Variants in RORB observed in about 807,000 individuals in gnomAD.
RORB encodes the protein RAR related orphan receptor B.
A neutral mutation model predicts 59.1 loss-of-function variants in RORB; 6 were observed. The ratio of observed to expected loss-of-function variants is 0.10; its 90% CI spans 0.06 to 0.20. RORB has a LOEUF of 0.20. RORB is among the 10% of genes least tolerant of loss of function. The pLI is 1.00. For synonymous variants in RORB, 215 were observed against 204.5 expected (o/e 1.05, Z -0.44); for missense variants, 320 against 560.5 (o/e 0.57, Z 4.33).
intron 1 of RORB, among the ~76,000 whole-genome samples, chr9:74,548,720 A>G (rs1035335023): frequency 1.3e-5 from 2 of 152,212 alleles, no homozygotes; most frequent in East Asian, 3.9e-4. Context: ...TGGAAAATGC[A>G]GAAACATAAA....
chr9:74,539,348 T>C (rs922294263), intron 1 of RORB, among the ~76,000 whole-genome samples: 1 of 152,196 alleles, frequency 6.6e-6, no homozygotes, highest in Non-Finnish European at 1.5e-5. Flanking sequence ...TGAAATGCAA[T>C]ATCTTTAGAG....
chr9:74,590,130 C>T (rs565363636), intron 1 of RORB, among the ~76,000 whole-genome samples: 1 of 152,236 alleles, frequency 6.6e-6, no homozygotes, highest in Non-Finnish European at 1.5e-5. Context: ...AGTAAGCTCT[C>T]AGTAGTAACA....
rs957609883 is a variant in RORB at position 74,689,131 on chromosome 9, T to A, written c.*3513T>A. ...TTTTTTGTTTTGAGACAGATCTTGT[T>A]CAACATGTTGCTCAGGCTGGAGTGC... On this transcript the variant is annotated 3_prime_UTR_variant, in exon 10 of 10. Coordinates refer to ENST00000376896, the MANE Select transcript of RORB (RefSeq NM_006914.4). The A allele has an allele frequency of 2.0e-5, 3 of 152,364 alleles. No homozygotes were observed. Among genetic ancestry groups the A allele is most frequent in the Non-Finnish European group, 4.4e-5 (3 of 68,190 alleles). 9.4% of individuals were successfully genotyped at this position (152,364 alleles called of 1,614,324 possible). A position where few individuals can be genotyped will look rare whatever the true frequency, so the allele number is the denominator to read the frequency against.
At chr9:74,498,351 A>C (rs1181411219) in intron 1 of RORB, 1 of 218,112 alleles carries the variant, frequency 4.6e-6, no homozygotes, top group Non-Finnish European at 9.0e-6. Flanking sequence ...AGCAGTTTGG[A>C]AGCGCCCGGC....
intron 1 of RORB, among the ~76,000 whole-genome samples, chr9:74,629,467 A>G (rs1377429512): frequency 1.3e-5 from 2 of 151,820 alleles, no homozygotes; most frequent in African/African-American, 2.4e-5. Flanking sequence ...CACAATCCAC[A>G]ATCATCCCAG....
At chr9:74,652,193 G>A (rs1230037956) in intron 4 of RORB, among the ~76,000 whole-genome samples, 1 of 152,180 alleles carries the variant, frequency 6.6e-6, no homozygotes, top group Non-Finnish European at 1.5e-5. Context: ...GATCATCTGA[G>A]GCCAGGAGTT....
intron 1 of RORB, among the ~76,000 whole-genome samples, chr9:74,522,028 C>T (rs1194401329): frequency 1.3e-5 from 2 of 151,874 alleles, no homozygotes; most frequent in Non-Finnish European, 2.9e-5. Flanking sequence ...TCTGTTGTCA[C>T]ACCACTGATA....
In RORB at chr9:74,688,112, T is replaced by G. The variant is rs1017165337; in HGVS notation, c.*2494T>G. 4 of 152,176 alleles carry G rather than the reference T, an allele frequency of 2.6e-5. No homozygotes were observed. Among genetic ancestry groups the G allele is most frequent in the African/African-American group, 7.2e-5 (3 of 41,438 alleles). The allele number at this position is 152,176 out of a possible 1,614,324, so 9.4% of individuals were successfully genotyped here. A position where few individuals can be genotyped will look rare whatever the true frequency, so the allele number is the denominator to read the frequency against. On this transcript the variant is annotated 3_prime_UTR_variant, in exon 10 of 10. Coordinates refer to ENST00000376896, the MANE Select transcript of RORB (RefSeq NM_006914.4). Reference sequence around the variant, plus strand: ...AAAAGATTGTTCCCCACATTTACCTTGGGAGGTACTGCTTTGAATTTGTGT... The same window carrying G: ...AAAAGATTGTTCCCCACATTTACCTGGGGAGGTACTGCTTTGAATTTGTGT...
intron 1 of RORB, among the ~76,000 whole-genome samples, chr9:74,621,238 C>A (rs1411654379): frequency 6.6e-6 from 1 of 152,154 alleles, no homozygotes; most frequent in African/African-American, 2.4e-5. Flanking sequence ...ACTTCCCTAA[C>A]AATTCCCTGC....
chr9:74,617,080 A>C, intron 1 of RORB, among the ~76,000 whole-genome samples: 1 of 61,522 alleles, frequency 1.6e-5, no homozygotes, highest in African/African-American at 4.1e-5. Context: ...TAATATTCCC[A>C]CCACCCGCTC....
intron 1 of RORB, among the ~76,000 whole-genome samples, chr9:74,565,665 A>G (rs948110035): frequency 1.3e-5 from 2 of 152,136 alleles, no homozygotes; most frequent in African/African-American, 2.4e-5. Flanking sequence ...ACTTGTCTTA[A>G]TATCTTAGAC....
At chr9:74,560,419 G>C (rs545564291) in intron 1 of RORB, among the ~76,000 whole-genome samples, 2 of 152,212 alleles carry the variant, frequency 1.3e-5, no homozygotes, top group South Asian at 2.1e-4. Flanking sequence ...AAAGAGCGCT[G>C]TATCTCCATC....
At chr9:74,525,494 A>C (rs187864810) in intron 1 of RORB, among the ~76,000 whole-genome samples, 94 of 152,038 alleles carry the variant, frequency 6.2e-4, no homozygotes, top group African/African-American at 2.2e-3. Flanking sequence ...TTTATACATA[A>C]CTGATCAAAT....
intron 2 of RORB, among the ~76,000 whole-genome samples, chr9:74,634,221 TCAC>T (rs1823666470): frequency 6.6e-6 from 1 of 152,196 alleles, no homozygotes; most frequent in Non-Finnish European, 1.5e-5. Context: ...TTCAAGTTCC[TCAC>T]CACCACAGCA....
chr9:74,531,384 A>G (rs751234577), intron 1 of RORB, among the ~76,000 whole-genome samples: 2 of 152,000 alleles, frequency 1.3e-5, no homozygotes, highest in Non-Finnish European at 2.9e-5. Context: ...AGTGGCCCCA[A>G]AGTTTTCAGT....
chr9:74,529,483 G>A (rs968816577), intron 1 of RORB, among the ~76,000 whole-genome samples: 11 of 151,768 alleles, frequency 7.2e-5, no homozygotes, highest in Admixed American at 4.6e-4. Flanking sequence ...TGAAAATTGA[G>A]GCTTTCTTTG....
intron 1 of RORB, among the ~76,000 whole-genome samples, chr9:74,582,972 C>T (rs76867374): frequency 0.016 from 2,459 of 152,220 alleles, 73 homozygotes; most frequent in African/African-American, 0.057. Flanking sequence ...CCAAGAGCTT[C>T]AACCTTCTCA....
intron 1 of RORB, among the ~76,000 whole-genome samples, chr9:74,573,833 A>G (rs1384528533): frequency 6.6e-6 from 1 of 152,116 alleles, no homozygotes; most frequent in Non-Finnish European, 1.5e-5. Context: ...TCTTGAAGCA[A>G]TTTCTAAAAC....
intron 9 of RORB, among the ~76,000 whole-genome samples, chr9:74,676,878 A>T (rs1042398565): frequency 6.6e-6 from 1 of 152,236 alleles, no homozygotes; most frequent in Non-Finnish European, 1.5e-5. Context: ...ACGTTAATGA[A>T]AATGCAATGG....
Sources: allele counts gnomAD v4.1 joint callset (sites outside exome capture counted in the v4.1 genomes callset), GRCh38; gene constraint gnomAD v4.1.1; transcripts MANE v1.5; gene names NCBI Gene and HGNC (gene_info 2026-07-23, HGNC 2026-07-21).